RIC3: variants seen among roughly 807,000 people sequenced by gnomAD.
The protein encoded by RIC3 is RIC3 acetylcholine receptor chaperone.
A neutral mutation model predicts 27.3 loss-of-function variants in RIC3; 28 were observed. The observed-to-expected ratio is 1.02, with a 90% CI of 0.76 to 1.41. RIC3 has a LOEUF of 1.41. RIC3 is among the 40% of genes most tolerant of loss of function. The pLI is 0.00. For synonymous variants in RIC3, 184 were observed against 160.4 expected (o/e 1.15, Z -1.11); for missense variants, 501 against 444.7 (o/e 1.13, Z -1.14).
In RIC3 at chr11:8,108,232, T is replaced by A. The variant is rs1441459329; in HGVS notation, c.*2466A>T. The A allele has an allele frequency of 6.6e-6, 1 of 152,068 alleles. No homozygotes were observed. The highest frequency in any genetic ancestry group is 1.5e-5 in the Non-Finnish European group (1 of 68,002). The allele number at this position is 152,068 out of a possible 1,614,324, so 9.4% of individuals were successfully genotyped here. ...ACAGCCTCACCAAAATACTTGAACA[T>A]CCATGTATTTTCACACCCTACTGCT... On this transcript the variant is annotated 3_prime_UTR_variant, in exon 6 of 6. Transcript: ENST00000309737.
At chr11:8,120,448 C>A (rs905349635) in intron 5 of RIC3, among the ~76,000 whole-genome samples, 8 of 151,912 alleles carry the variant, frequency 5.3e-5, no homozygotes, top group Non-Finnish European at 1.0e-4. Flanking sequence ...GGACAAAAAA[C>A]CAAACACTCA....
the RIC3 span, among the ~76,000 whole-genome samples, chr11:8,099,776 T>G: frequency 2.3e-3 from 357 of 152,154 alleles, 3 homozygotes; most frequent in East Asian, 0.011. Flanking sequence ...GTCACTGAGG[T>G]AGCTCTTGAG....
chr11:8,131,258 G>C (rs976249905), intron 4 of RIC3, among the ~76,000 whole-genome samples: 2 of 152,180 alleles, frequency 1.3e-5, no homozygotes, highest in Non-Finnish European at 2.9e-5. Context: ...CAGCAAGACA[G>C]ACTTATTAAT....
chr11:8,100,963 C>T, the RIC3 span: 24 of 1,614,046 alleles, frequency 1.5e-5, no homozygotes, highest in East Asian at 2.2e-5. Context: ...CACAGGCCTC[C>T]GTGAAGAACT....
In RIC3 at chr11:8,110,571, T is replaced by C. The variant is rs1809290709; in HGVS notation, c.*127A>G. ...CAGGAAGGATACATGATATCCATGATAGTGGCCTGATAGCTATGACACTTG... is the reference window on the plus strand; with the variant it reads ...CAGGAAGGATACATGATATCCATGACAGTGGCCTGATAGCTATGACACTTG... On this transcript the variant is annotated 3_prime_UTR_variant, in exon 6 of 6. Transcript: ENST00000309737. 2.4e-6 allele frequency: 2 copies of C among 831,290 alleles called. No homozygotes were observed. The highest frequency in any genetic ancestry group is 4.1e-6 in the Non-Finnish European group (2 of 484,582). The allele number at this position is 831,290 out of a possible 1,614,324, so 51.5% of individuals were successfully genotyped here.
chr11:8,125,944 C>T (rs539638159), intron 5 of RIC3, among the ~76,000 whole-genome samples: 74 of 152,260 alleles, frequency 4.9e-4, no homozygotes, highest in African/African-American at 1.7e-3. Flanking sequence ...GAGGCTGAGG[C>T]AGGAGAATCA....
At chr11:8,121,727 A>G (rs1946480860) in intron 5 of RIC3, among the ~76,000 whole-genome samples, 1 of 151,930 alleles carries the variant, frequency 6.6e-6, no homozygotes, top group East Asian at 1.9e-4. Context: ...CTCAAAAAAA[A>G]TAATAATAAC....
At chr11:8,097,369 G>C in the RIC3 span, 1 of 1,614,198 alleles carries the variant, frequency 6.2e-7, no homozygotes, top group Non-Finnish European at 8.5e-7. Context: ...GAAAGGGATG[G>C]ACCGGGGCAT....
chr11:8,134,395 T>C (rs918880272), intron 4 of RIC3, among the ~76,000 whole-genome samples: 7 of 152,236 alleles, frequency 4.6e-5, no homozygotes, highest in Admixed American at 1.3e-4. Flanking sequence ...CAGTCTATCA[T>C]TGATGGACAT....
chr11:8,138,502 A>C (rs1220697136), intron 2 of RIC3, 155 bp from the exon 3 acceptor site: 4 of 509,788 alleles, frequency 7.8e-6, no homozygotes, highest in Admixed American at 7.4e-5. Context: ...AAAAAAAAAA[A>C]CGCCAAAAGA....
At position 8,147,143 on chromosome 11, in the gene RIC3, T is replaced by C. The variant is rs192119131; in HGVS notation, c.125-6950A>G. On this transcript the variant is annotated intron_variant, in intron 1 of 5. Transcript: ENST00000309737. ...ACCTATCTGTGACCTGGAAGCCCCTTCACCACTTTGAGTCTTCCTGCCTTT... is the reference window on the plus strand; with the variant it reads ...ACCTATCTGTGACCTGGAAGCCCCTCCACCACTTTGAGTCTTCCTGCCTTT... Among the ~76,000 whole-genome samples, 15 of 152,338 alleles carry C rather than the reference T, an allele frequency of 9.8e-5. No individual in the cohort carries two copies. The East Asian group carries it at 2.9e-3, about 29-fold the overall frequency.
chr11:8,135,503 T>C (rs904020042), intron 4 of RIC3: 2 of 152,254 alleles, frequency 1.3e-5, no homozygotes, highest in Non-Finnish European at 2.9e-5. Flanking sequence ...AAAGTAGTTT[T>C]TTCCAATTCT....
intron 1 of RIC3, among the ~76,000 whole-genome samples, chr11:8,153,074 G>A (rs1004751153): frequency 6.6e-6 from 1 of 152,122 alleles, no homozygotes; most frequent in Non-Finnish European, 1.5e-5. Context: ...TAGAATTAAG[G>A]TTATTGATAA....
At chr11:8,101,057 G>A (rs1438270144), downstream of RIC3, 3 of 1,595,332 alleles carry the variant, frequency 1.9e-6, no homozygotes, top group East Asian at 4.5e-5. Context: ...CTTAGCGTAG[G>A]GTTCAGCCCA....
chr11:8,097,623 A>G, the RIC3 span: 2 of 1,337,958 alleles, frequency 1.5e-6, no homozygotes, highest in Non-Finnish European at 2.1e-6. Context: ...TTGGGAGCTG[A>G]CGCAACGGAG....
downstream of RIC3, chr11:8,101,065 CCACCTAG>C: frequency 1.3e-6 from 2 of 1,562,540 alleles, no homozygotes; most frequent in South Asian, 2.3e-5. Flanking sequence ...AGGGTTCAGC[CCACCTAG>C]CCCTGCCTAC....
At chr11:8,138,189 A>C in intron 3 of RIC3, 83 bp downstream of exon 3, 1 of 957,894 alleles carries the variant, frequency 1.0e-6, no homozygotes, top group Admixed American at 2.1e-5. Context: ...AATGCTTTTA[A>C]GACATACCCA....
Position 8,118,658 on chromosome 11 carries a change from A to C in RIC3, c.671-7521T>G, listed in dbSNP as rs1230326873. On this transcript the variant is annotated intron_variant, in intron 5 of 5. Coordinates refer to ENST00000309737, the MANE Select transcript of RIC3 (RefSeq NM_001206671.4). ...TTAGGCAGTTGGATCACCTGAGGTCAAGAGTTCGAGACCAGCCTGACCAAC... is the reference window on the plus strand; with the variant it reads ...TTAGGCAGTTGGATCACCTGAGGTCCAGAGTTCGAGACCAGCCTGACCAAC... Among the ~76,000 whole-genome samples, 4 of 152,096 alleles carry C rather than the reference A, an allele frequency of 2.6e-5. No individual in the cohort carries two copies. In the East Asian group the frequency reaches 7.7e-4, roughly 29 times the overall value.
chr11:8,101,696 A>G (rs889410888), downstream of RIC3: 80 of 1,563,576 alleles, frequency 5.1e-5, no homozygotes, highest in Middle Eastern at 1.2e-3. Context: ...AGCCCTGCCT[A>G]TCCTCTGTAT....
Sources: allele counts gnomAD v4.1 joint callset (sites outside exome capture counted in the v4.1 genomes callset), GRCh38; gene constraint gnomAD v4.1.1; transcripts MANE v1.5; gene names NCBI Gene and HGNC (gene_info 2026-07-23, HGNC 2026-07-21).